Variants in SLC4A7 observed in about 807,000 individuals in gnomAD.
The protein encoded by SLC4A7 is solute carrier family 4 member 7.
SLC4A7 carries 51 observed loss-of-function variants against 137.6 expected under a neutral mutation model. That is an observed-to-expected ratio of 0.37 (90% CI 0.30 to 0.47). The LOEUF is 0.47. SLC4A7 is among the 20% of genes least tolerant of loss of function. The pLI, the probability that SLC4A7 is intolerant of heterozygous loss-of-function variation, is 1.00. For synonymous variants in SLC4A7, 542 were observed against 518.6 expected (o/e 1.05, Z -0.61); for missense variants, 1,247 against 1,525.4 (o/e 0.82, Z 3.04).
intron 1 of SLC4A7, among the ~76,000 whole-genome samples, chr3:27,465,502 C>T (rs1287773924): frequency 2.2e-5 from 3 of 138,704 alleles, no homozygotes; most frequent in Non-Finnish European, 4.6e-5. Flanking sequence ...AAAGTACTAA[C>T]ATTTTTACTG....
chr3:27,389,795 G>A, intron 22 of SLC4A7, 136 bp downstream of exon 22: 1 of 621,154 alleles, frequency 1.6e-6, no homozygotes, highest in Non-Finnish European at 2.7e-6. Context: ...TCTAGTAACA[G>A]CTAATTCACA....
intron 1 of SLC4A7, among the ~76,000 whole-genome samples, chr3:27,469,134 CT>C (rs2059131393): frequency 6.6e-6 from 1 of 151,948 alleles, no homozygotes; most frequent in African/African-American, 2.4e-5. Flanking sequence ...AACTTAAATA[CT>C]AGGTATTAGT....
At chr3:27,435,160 T>C (rs1312937818) in intron 5 of SLC4A7, among the ~76,000 whole-genome samples, 1 of 152,228 alleles carries the variant, frequency 6.6e-6, no homozygotes, top group East Asian at 1.9e-4. Context: ...CTCTTGAAGA[T>C]TAAATACTAC....
At chr3:27,462,753 T>TA (rs1396751037) in intron 1 of SLC4A7, 1 of 154,094 alleles carries the variant, frequency 6.5e-6, no homozygotes, top group Non-Finnish European at 1.4e-5. Context: ...CTAAGATTGT[T>TA]AAACAGATTA....
intron 20 of SLC4A7, among the ~76,000 whole-genome samples, chr3:27,393,332 C>A (rs1429800090): frequency 6.6e-6 from 1 of 152,056 alleles, no homozygotes; most frequent in Non-Finnish European, 1.5e-5. Context: ...AATTGGTCTC[C>A]AGAAAACAAT....
At chr3:27,429,955 C>T (rs934832871) in intron 7 of SLC4A7, among the ~76,000 whole-genome samples, 8 of 152,102 alleles carry the variant, frequency 5.3e-5, no homozygotes, top group East Asian at 1.9e-4. Flanking sequence ...GTGACTCACA[C>T]CTATAATCCC....
chr3:27,408,229 C>T (rs1292541534), intron 13 of SLC4A7, among the ~76,000 whole-genome samples: 3 of 152,154 alleles, frequency 2.0e-5, no homozygotes, highest in Non-Finnish European at 2.9e-5. Context: ...CACATTGTCA[C>T]ATGTACAAGA....
At chr3:27,411,458 A>C (rs989039886) in intron 12 of SLC4A7, among the ~76,000 whole-genome samples, 184 bp downstream of exon 12, 1 of 151,426 alleles carries the variant, frequency 6.6e-6, no homozygotes, top group Non-Finnish European at 1.5e-5. Context: ...ATACTATTAA[A>C]ATTATTTATA....
At chr3:27,436,698 T>C (rs550869408) in intron 4 of SLC4A7, 150 bp from the exon 5 acceptor site, 35 of 534,070 alleles carry the variant, frequency 6.6e-5, no homozygotes, top group Non-Finnish European at 1.1e-4. Context: ...ATTAGGTTAA[T>C]GGTCTACAAT....
At chr3:27,419,161 G>T (rs150276072) in intron 10 of SLC4A7, among the ~76,000 whole-genome samples, 1 of 151,950 alleles carries the variant, frequency 6.6e-6, no homozygotes, top group African/African-American at 2.4e-5. Flanking sequence ...AGTGAAACGC[G>T]TTATTAAATA....
intron 3 of SLC4A7, among the ~76,000 whole-genome samples, chr3:27,448,123 A>G (rs1242417518): frequency 2.0e-5 from 3 of 151,624 alleles, no homozygotes; most frequent in East Asian, 3.9e-4. Flanking sequence ...GAGGCACAAG[A>G]ATCGCTTGAA....
intron 3 of SLC4A7, among the ~76,000 whole-genome samples, chr3:27,446,487 A>C (rs1443581924): frequency 6.6e-6 from 1 of 152,188 alleles, no homozygotes; most frequent in Non-Finnish European, 1.5e-5. Context: ...CCCTATACTT[A>C]ACACTTTTAA....
chr3:27,436,277 T>A, intron 5 of SLC4A7, 111 bp downstream of exon 5: 1 of 694,052 alleles, frequency 1.4e-6, no homozygotes. Flanking sequence ...AATTCTATCT[T>A]ATTTCCTTAT....
intron 1 of SLC4A7, 111 bp downstream of exon 1, chr3:27,483,956 G>A (rs1249186978): frequency 6.3e-6 from 5 of 797,128 alleles, no homozygotes; most frequent in Non-Finnish European, 8.3e-6. Context: ...GAGGGGCGAC[G>A]GGCCTGGGAC....
At chr3:27,390,637 A>T (rs2051443836) in intron 21 of SLC4A7, among the ~76,000 whole-genome samples, 1 of 152,180 alleles carries the variant, frequency 6.6e-6, no homozygotes, top group African/African-American at 2.4e-5. Flanking sequence ...CAAAACTCTT[A>T]AAAATCAGGT....
At chr3:27,379,991 T>G (rs2050253908) in intron 24 of SLC4A7, among the ~76,000 whole-genome samples, 1 of 152,170 alleles carries the variant, frequency 6.6e-6, no homozygotes, top group Non-Finnish European at 1.5e-5. Context: ...AAAGGTGGTA[T>G]TTTATCAAGT....
chr3:27,384,718 T>C (rs2050762150), intron 23 of SLC4A7, among the ~76,000 whole-genome samples: 2 of 152,124 alleles, frequency 1.3e-5, no homozygotes, highest in Non-Finnish European at 2.9e-5. Flanking sequence ...ATCCCAGCAC[T>C]GTGGGGGACC....
chr3:27,409,335 A>G (rs201457449), intron 13 of SLC4A7, 21 bp downstream of exon 13: 185 of 1,567,010 alleles, frequency 1.2e-4, no homozygotes, highest in Middle Eastern at 1.7e-4. Context: ...AAGCCTGGCC[A>G]CTACCAATCT....
At chr3:27,438,665 C>A (rs977998764) in intron 3 of SLC4A7, among the ~76,000 whole-genome samples, 96 of 105,184 alleles carry the variant, frequency 9.1e-4, no homozygotes, top group African/African-American at 2.9e-3. Flanking sequence ...ACAAACATAA[C>A]ATAAAATAAA....
Sources: allele counts gnomAD v4.1 joint callset (sites outside exome capture counted in the v4.1 genomes callset), GRCh38; gene constraint gnomAD v4.1.1; transcripts MANE v1.5; gene names NCBI Gene and HGNC (gene_info 2026-07-23, HGNC 2026-07-21).